The following MYO3B variants were observed in gnomAD, a reference collection of about 807,000 sequenced individuals.
MYO3B encodes the protein myosin IIIB.
Under a neutral mutation model 174.6 loss-of-function variants are expected in MYO3B, and 156 were observed. That is an observed-to-expected ratio of 0.89 (90% CI 0.78 to 1.02). The LOEUF is 1.02. Among genes scored for constraint, MYO3B ranks in the 50% least tolerant of loss-of-function variants. The probability of loss-of-function intolerance (pLI) is 0.00; values close to 1 mark genes in which losing one functional copy is unlikely to be tolerated. For synonymous variants in MYO3B, 563 were observed against 569.1 expected, an observed-to-expected ratio of 0.99 and a Z score of 0.15; for missense variants, 1,632 against 1,639.4, an observed-to-expected ratio of 1.00 and a Z score of 0.08.
At chr2:170,540,674 C>T (rs10187486) in intron 30 of MYO3B, among the ~76,000 whole-genome samples, 94,346 of 148,998 alleles carry the variant, frequency 0.63, 30,356 homozygotes, top group East Asian at 0.74. Flanking sequence ...ACAAAAAAAA[C>T]AAAAAAACAG....
intron 32 of MYO3B, chr2:170,644,477 G>C (rs1265678790): frequency 6.6e-6 from 1 of 152,142 alleles, no homozygotes; most frequent in Non-Finnish European, 1.5e-5. Flanking sequence ...AGTCAAGACA[G>C]GGTTTCACCT....
chr2:170,405,601 C>T lies in MYO3B; in HGVS notation c.2488C>T (p.Leu830=). The T allele has an allele frequency of 6.2e-7, 1 of 1,614,176 alleles. No homozygotes were observed. The highest frequency in any genetic ancestry group is 1.3e-5 in the African/African-American group (1 of 75,052). ...KYFWRPKGVE[L]CFGIQHYAGK... ...CTTCTGGAGGCCCAAAGGAGTGGAA[C>T]TGTGCTTTGGCATTCAGCATTATGC... Residue 830 remains leucine (L), a synonymous_variant, in exon 21 of 35, where the codon CTG becomes TTG. Coordinates refer to ENST00000408978, the MANE Select transcript of MYO3B (RefSeq NM_138995.5).
rs1279311975 is a variant in MYO3B at position 170,648,993 on chromosome 2, TA to T, written c.3734-2633del. On this transcript the variant is annotated intron_variant, in intron 32 of 34. Transcript: ENST00000408978. ...AATATATAAAATAATATATAATGTA[TA>T]ATATATAAAATAATATATAATGTAT... Among the ~76,000 whole-genome samples the T allele has an allele frequency of 8.7e-3, 720 of 82,392 alleles. 6 individuals are homozygous for T. Among genetic ancestry groups the T allele is most frequent in the Middle Eastern group, 0.019 (1 of 54 alleles). The allele number at this position is 82,392 out of a possible 152,430, so 54.1% of individuals were successfully genotyped here. A position where few individuals can be genotyped will look rare whatever the true frequency, so the allele number is the denominator to read the frequency against.
intron 7 of MYO3B, among the ~76,000 whole-genome samples, chr2:170,266,127 A>T (rs73010710): frequency 1.3e-5 from 2 of 152,114 alleles, no homozygotes; most frequent in Non-Finnish European, 2.9e-5. Context: ...GGTAAATCCA[A>T]TAATAATTTT....
intron 7 of MYO3B, among the ~76,000 whole-genome samples, chr2:170,291,949 C>G (rs4257364): frequency 0.67 from 101,811 of 151,902 alleles, 34,320 homozygotes; most frequent in Admixed American, 0.73. Context: ...CTTTGACCTT[C>G]CTGTACCTGG....
At chr2:170,493,670 A>C (rs985564941) in intron 25 of MYO3B, among the ~76,000 whole-genome samples, 5 of 152,220 alleles carry the variant, frequency 3.3e-5, no homozygotes, top group Admixed American at 6.5e-5. Context: ...AGAAGAAATG[A>C]GCGTATGTCA....
chr2:170,400,094 T>G, intron 16 of MYO3B, 94 bp from the exon 17 acceptor site: 1 of 1,525,018 alleles, frequency 6.6e-7, no homozygotes, highest in Non-Finnish European at 9.0e-7. Context: ...AGAATGGACT[T>G]TGGTAGACAA....
chr2:170,325,495 A>C (rs1410538331), intron 7 of MYO3B, among the ~76,000 whole-genome samples: 2 of 152,232 alleles, frequency 1.3e-5, no homozygotes, highest in Non-Finnish European at 2.9e-5. Flanking sequence ...GGCGTGAGCC[A>C]CTACGCCTGG....
At chr2:170,279,893 T>C (rs1207331005) in intron 7 of MYO3B, among the ~76,000 whole-genome samples, 1 of 152,222 alleles carries the variant, frequency 6.6e-6, no homozygotes, top group African/African-American at 2.4e-5. Context: ...TGATTCCATG[T>C]CTTTGCTATT....
rs1484532367 is a variant in MYO3B at position 170,407,770 on chromosome 2, A to T, written c.2576A>T (p.Asp859Val). ...AAAAATAGAGACACTCTCCCTGCCG[A>T]TGTGGTTGTGGTCCTGAGAACGTCA... ...LEKNRDTLPA[D>V]VVVVLRTSEN... Residue 859 changes from aspartate (D) to valine (V), a missense_variant, in exon 22 of 35, where the codon GAT becomes GTT. By Grantham distance (152) the Asp-to-Val change is radical. Transcript: ENST00000408978. 6.2e-7 allele frequency: 1 copy of T among 1,613,996 alleles called. No individual in the cohort carries two copies. The highest frequency in any genetic ancestry group is 2.2e-5 in the East Asian group (1 of 44,894).
At chr2:170,430,795 A>G (rs2094702604) in intron 22 of MYO3B, among the ~76,000 whole-genome samples, 1 of 152,242 alleles carries the variant, frequency 6.6e-6, no homozygotes, top group African/African-American at 2.4e-5. Context: ...GAACAAAAAC[A>G]AAAGGAGATT....
intron 32 of MYO3B, among the ~76,000 whole-genome samples, chr2:170,630,638 C>G (rs1162256238): frequency 1.3e-5 from 2 of 152,230 alleles, no homozygotes; most frequent in African/African-American, 4.8e-5. Context: ...CTAGGAGACA[C>G]CTCCCAGTAG....
intron 32 of MYO3B, chr2:170,647,034 A>C: frequency 1.6e-6 from 1 of 643,340 alleles, no homozygotes; most frequent in South Asian, 1.6e-5. Context: ...ACTTTAATAT[A>C]ATTAAACGCA....
chr2:170,330,234 G>A (rs2105521941), intron 7 of MYO3B, among the ~76,000 whole-genome samples: 1 of 152,260 alleles, frequency 6.6e-6, no homozygotes, highest in Middle Eastern at 3.4e-3. Context: ...CTTGGTGAGT[G>A]TGCTTTAATG....
At chr2:170,630,164 C>T (rs923072557) in intron 32 of MYO3B, among the ~76,000 whole-genome samples, 18 of 152,260 alleles carry the variant, frequency 1.2e-4, no homozygotes, top group East Asian at 1.9e-4. Flanking sequence ...CAAGGGAAAC[C>T]GTGACAGACT....
intron 12 of MYO3B, chr2:170,384,026 A>C (rs979760428): frequency 9.8e-6 from 5 of 507,700 alleles, no homozygotes; most frequent in Non-Finnish European, 1.8e-5. Flanking sequence ...GAAACATAAA[A>C]CAGTCACATG....
intron 25 of MYO3B, among the ~76,000 whole-genome samples, chr2:170,471,880 A>G (rs1684996331): frequency 6.6e-6 from 1 of 151,962 alleles, no homozygotes; most frequent in South Asian, 2.1e-4. Flanking sequence ...AATCCCAACT[A>G]CTTGGGAGGC....
chr2:170,441,047 G>A (rs1333087304), intron 22 of MYO3B, among the ~76,000 whole-genome samples: 2 of 151,980 alleles, frequency 1.3e-5, no homozygotes, highest in East Asian at 1.9e-4. Context: ...TGATCCACCC[G>A]CCTCGGCCTC....
intron 23 of MYO3B, among the ~76,000 whole-genome samples, chr2:170,458,430 T>C (rs549007152): frequency 1.3e-5 from 2 of 152,378 alleles, no homozygotes; most frequent in South Asian, 4.1e-4. Flanking sequence ...GAAAAGCTTT[T>C]CTGGTCTCTT....
Sources: allele counts gnomAD v4.1 joint callset (sites outside exome capture counted in the v4.1 genomes callset), GRCh38; gene constraint gnomAD v4.1.1; transcripts MANE v1.5; gene names NCBI Gene and HGNC (gene_info 2026-07-23, HGNC 2026-07-21).